Variants in WWC1 observed in about 807,000 individuals in gnomAD.
The protein encoded by WWC1 is WW and C2 domain containing 1.
A neutral mutation model predicts 138.4 loss-of-function variants in WWC1; 55 were observed. The ratio of observed to expected loss-of-function variants is 0.40; its 90% confidence interval spans 0.32 to 0.50. The LOEUF (loss-of-function observed/expected upper bound fraction) is 0.50. WWC1 is among the 20% of genes least tolerant of loss of function. WWC1 has a pLI of 0.72. For missense variants in WWC1, 1,226 were observed against 1,420.4 expected, an observed-to-expected ratio of 0.86 and a Z score of 2.20; for synonymous variants, 524 against 564.9, an observed-to-expected ratio of 0.93 and a Z score of 1.03.
At chr5:168,332,852 G>T (rs1237421507) in intron 1 of WWC1, among the ~76,000 whole-genome samples, 1 of 152,152 alleles carries the variant, frequency 6.6e-6, no homozygotes, top group East Asian at 1.9e-4. Context: ...GGGACTGAAG[G>T]CATGAGCCAC....
chr5:168,357,485 TGTGTGTGTGCGC>T (rs757287831), intron 1 of WWC1, among the ~76,000 whole-genome samples: 18 of 77,834 alleles, frequency 2.3e-4, no homozygotes, highest in African/African-American at 6.5e-4. Flanking sequence ...TGTGTGTGTG[TGTGTGTGTGCGC>T]GCGCGCACGC....
intron 1 of WWC1, among the ~76,000 whole-genome samples, chr5:168,350,230 A>C (rs1487349319): frequency 6.6e-6 from 1 of 152,160 alleles, no homozygotes; most frequent in African/African-American, 2.4e-5. Flanking sequence ...CTAGGATTGA[A>C]GAAAAATGCA....
intron 1 of WWC1, among the ~76,000 whole-genome samples, chr5:168,322,097 A>G (rs1364970422): frequency 6.6e-6 from 1 of 152,192 alleles, no homozygotes; most frequent in African/African-American, 2.4e-5. Flanking sequence ...TCAACCTCTT[A>G]CAAGAATACA....
At chr5:168,440,530 T>C (rs895127336) in intron 15 of WWC1, among the ~76,000 whole-genome samples, 7 of 152,114 alleles carry the variant, frequency 4.6e-5, no homozygotes, top group African/African-American at 1.7e-4. Context: ...TTTGTTTTGT[T>C]TTTGAGGCAG....
Position 168,406,253 on chromosome 5 carries a change from G to T in WWC1, c.646G>T (p.Ala216Ser). 6.2e-7 allele frequency: 1 copy of T among 1,614,102 alleles called. No individual in the cohort carries two copies. ...QGSYKLDEAQ[A>S]VLRETKAIKK... ...CAGCTACAAACTGGATGAAGCTCAG[G>T]CTGTCTTGAGAGAAACAAAAGCCAT... Residue 216 changes from alanine (A) to serine (S), a missense_variant, in exon 6 of 23, where the codon GCT (alanine) becomes TCT (serine). Physicochemically the swap from Ala to Ser is moderately conservative, Grantham distance 99. This residue lies in a region of WWC1 where 1,016 missense variants were observed against 1,153.9 expected (regional missense o/e 0.88). Transcript: ENST00000265293.
intron 1 of WWC1, among the ~76,000 whole-genome samples, chr5:168,357,447 TCTGTGTGTGTGTGTG>T (rs1561652672): frequency 1.1e-5 from 1 of 88,580 alleles, no homozygotes; most frequent in Non-Finnish European, 2.3e-5. Context: ...CAACCTGCCT[TCTGTGTGTGTGTGTG>T]TGTGTGTGTG....
At chr5:168,306,695 C>T (rs1252261529) in intron 1 of WWC1, among the ~76,000 whole-genome samples, 1 of 152,142 alleles carries the variant, frequency 6.6e-6, no homozygotes, top group African/African-American at 2.4e-5. Flanking sequence ...CTCCTGGGTT[C>T]AAGTACTTTT....
intron 3 of WWC1, among the ~76,000 whole-genome samples, chr5:168,392,238 A>G (rs2152825380): frequency 6.6e-6 from 1 of 152,296 alleles, no homozygotes; most frequent in South Asian, 2.1e-4. Flanking sequence ...CTTAGCCCTC[A>G]TATACCACTT....
At chr5:168,369,401 G>T (rs12654110) in intron 1 of WWC1, among the ~76,000 whole-genome samples, 11,859 of 151,942 alleles carry the variant, frequency 0.078, 711 homozygotes, top group East Asian at 0.18. Context: ...GTTGTTGTTG[G>T]TGGTGGTGGT....
intron 15 of WWC1, among the ~76,000 whole-genome samples, chr5:168,440,829 C>T (rs1325578723): frequency 6.6e-6 from 1 of 152,018 alleles, no homozygotes; most frequent in African/African-American, 2.4e-5. Flanking sequence ...AAAGCAGGTT[C>T]TTAAAGAATT....
chr5:168,322,621 A>C (rs548504528), intron 1 of WWC1, among the ~76,000 whole-genome samples: 4 of 152,336 alleles, frequency 2.6e-5, no homozygotes, highest in African/African-American at 9.6e-5. Flanking sequence ...TTTTAATAGA[A>C]ATAGTGTTTA....
Position 168,291,850 on chromosome 5 carries a change from C to T in WWC1, c.-303C>T, listed in dbSNP as rs1329628820. On this transcript the variant is annotated 5_prime_UTR_variant, in exon 1 of 23. Coordinates refer to ENST00000265293, the MANE Select transcript of WWC1 (RefSeq NM_015238.3). ...AGGGCAGACGGCGGCGGCGGCGGCG[C>T]TCGGCTCGCTCTGCCCGGCCGGCTG... 6.7e-6 allele frequency: 1 copy of T among 148,606 alleles called. No individual in the cohort carries two copies. The highest frequency in any genetic ancestry group is 2.4e-5 in the African/African-American group (1 of 40,916). The allele number at this position is 148,606 out of a possible 1,614,324, so 9.2% of individuals were successfully genotyped here.
intron 15 of WWC1, among the ~76,000 whole-genome samples, chr5:168,432,124 G>C (rs1446194446): frequency 6.6e-6 from 1 of 151,354 alleles, no homozygotes; most frequent in Admixed American, 6.6e-5. Context: ...ACCACTTGCT[G>C]TATAGCTGGA....
intron 3 of WWC1, among the ~76,000 whole-genome samples, chr5:168,389,236 CAGG>C (rs1033436698): frequency 4.6e-5 from 7 of 151,854 alleles, no homozygotes; most frequent in African/African-American, 1.7e-4. Context: ...ATCACGAGGT[CAGG>C]AGATCGAGAC....
rs143571224 is a variant in WWC1 at position 168,464,923 on chromosome 5, C to T, written c.3111C>T (p.Asp1037=). The change falls in exon 21 of 23, where the codon GAC becomes GAT. Residue 1037 remains aspartate (D), a synonymous_variant. Coordinates refer to ENST00000265293, the MANE Select transcript of WWC1 (RefSeq NM_015238.3). ...EKELPQWLRE[D]ERFRLLLRML... is the part of the protein sequence containing the mutation. ...AGCTGCCACAGTGGTTGCGTGAGGACGAGCGTTTCCGCCTGCTGCTGAGGA... is the reference window on the plus strand; with the variant it reads ...AGCTGCCACAGTGGTTGCGTGAGGATGAGCGTTTCCGCCTGCTGCTGAGGA... 1.3e-4 allele frequency: 217 copies of T among 1,614,162 alleles called. No individual in the cohort carries two copies. In the African/African-American group the frequency reaches 2.1e-3, roughly 16 times the overall value.
intron 1 of WWC1, chr5:168,316,726 G>C (rs1771634905): frequency 2.0e-5 from 3 of 152,302 alleles, no homozygotes; most frequent in African/African-American, 7.2e-5. Context: ...ATTGGTCCAA[G>C]GGGAGACTCC....
chr5:168,433,189 G>A (rs1157933914), intron 15 of WWC1, among the ~76,000 whole-genome samples: 1 of 152,214 alleles, frequency 6.6e-6, no homozygotes, highest in Non-Finnish European at 1.5e-5. Flanking sequence ...ACTAACTAAG[G>A]CGCTGAAGCA....
At chr5:168,409,718 C>T (rs1390739622) in intron 7 of WWC1, among the ~76,000 whole-genome samples, 5 of 152,198 alleles carry the variant, frequency 3.3e-5, no homozygotes, top group South Asian at 4.1e-4. Flanking sequence ...GATGTCTGAG[C>T]GTACGGTTCT....
At chr5:168,468,205 T>C (rs1757458483) in intron 22 of WWC1, among the ~76,000 whole-genome samples, 2 of 152,256 alleles carry the variant, frequency 1.3e-5, no homozygotes, top group South Asian at 4.1e-4. Context: ...TCTTGTTTAA[T>C]GAATGAGCCA....
Sources: gnomAD v4.1 joint callset for allele counts (sites outside exome capture counted in the v4.1 genomes callset) on GRCh38, gnomAD v4.1.1 for gene constraint, gnomAD v4.1.1 regional missense constraint, MANE v1.5 for transcripts, NCBI Gene and HGNC (gene_info 2026-07-23, HGNC 2026-07-21) for gene names.